The following PLD5 variants were observed in gnomAD, a reference collection of about 807,000 sequenced individuals.
The protein encoded by PLD5 is phospholipase D family member 5, also known as inactive phospholipase D5.
PLD5 carries 36 observed loss-of-function variants against 61.1 expected under a neutral mutation model. That is an observed-to-expected ratio of 0.59 (90% CI 0.45 to 0.78). The LOEUF (loss-of-function observed/expected upper bound fraction) is 0.78, where lower values mean the gene tolerates loss of function less well. Among genes scored for constraint, PLD5 ranks in the 30% least tolerant of loss-of-function variants. PLD5 has a pLI of 0.00. For missense variants in PLD5, 515 were observed against 644.4 expected (o/e 0.80, Z 2.17); for synonymous variants, 243 against 242.8 (o/e 1.00, Z -0.01).
intron 4 of PLD5, among the ~76,000 whole-genome samples, chr1:242,262,531 T>G (rs1231378469): frequency 6.6e-6 from 1 of 152,134 alleles, no homozygotes; most frequent in Non-Finnish European, 1.5e-5. Context: ...GAAGATCTCT[T>G]TGGTAGCTGT....
Position 242,461,164 on chromosome 1 carries a change from C to T in PLD5, c.189+62924G>A, listed in dbSNP as rs186007814. On this transcript the variant is annotated intron_variant, in intron 1 of 9. Transcript: ENST00000536534. The stretch of plus-strand genomic sequence containing the variant: ...AAAAAAGAGCAGGGACTTTATCTGT[C>T]CTGTTCAATATCAGCACATAGCCAG... 1.1e-4 allele frequency among the ~76,000 whole-genome samples: 17 copies of T among 152,234 alleles called. No homozygotes were observed. In the East Asian group the frequency reaches 3.1e-3, roughly 28 times the overall value.
Position 242,250,664 on chromosome 1 carries a change from C to T in PLD5, c.607+14673G>A, listed in dbSNP as rs562750310. ...AGTTATGTACTACTTTATCCTAATA[C>T]ATAATAAAATAATACATTCAAATAA... On this transcript the variant is annotated intron_variant, in intron 4 of 9. Coordinates refer to ENST00000536534, the MANE Select transcript of PLD5 (RefSeq NM_001372062.1). Among the ~76,000 whole-genome samples, 6 of 152,166 alleles carry T rather than the reference C, an allele frequency of 3.9e-5. No individual in the cohort carries two copies. The South Asian group carries it at 1.2e-3, about 32-fold the overall frequency.
chr1:242,245,677 T>C (rs1005214717), intron 4 of PLD5, among the ~76,000 whole-genome samples: 3 of 152,188 alleles, frequency 2.0e-5, no homozygotes, highest in African/African-American at 7.2e-5. Flanking sequence ...CATTTTCAGC[T>C]GAGAAGCCCT....
At chr1:242,100,548 C>T (rs1331444336) in intron 9 of PLD5, 120 bp downstream of exon 9, 19 of 690,328 alleles carry the variant, frequency 2.8e-5, no homozygotes, top group Non-Finnish European at 4.6e-5. Context: ...CATTTCCCCT[C>T]ATTCACCAGC....
intron 8 of PLD5, among the ~76,000 whole-genome samples, chr1:242,102,153 C>A (rs904099635): frequency 1.3e-5 from 2 of 152,214 alleles, no homozygotes; most frequent in East Asian, 3.9e-4. Flanking sequence ...CCAGAAGTCA[C>A]CTCGCTTGGA....
chr1:242,293,389 T>C (rs1232813239), intron 2 of PLD5, among the ~76,000 whole-genome samples: 2 of 152,236 alleles, frequency 1.3e-5, no homozygotes, highest in African/African-American at 4.8e-5. Flanking sequence ...CTGAAAATAT[T>C]ACATTCAATA....
intron 1 of PLD5, among the ~76,000 whole-genome samples, chr1:242,505,085 A>T (rs1378095261): frequency 6.6e-6 from 1 of 152,210 alleles, no homozygotes; most frequent in African/African-American, 2.4e-5. Context: ...TGAGCCCAGG[A>T]CGTGGAGGCT....
chr1:242,407,529 C>A (rs1176537255), intron 1 of PLD5, among the ~76,000 whole-genome samples: 1 of 150,320 alleles, frequency 6.7e-6, no homozygotes, highest in Non-Finnish European at 1.5e-5. Context: ...CACATATACA[C>A]AAATACATAG....
At chr1:242,450,561 G>C (rs1380567102) in intron 1 of PLD5, among the ~76,000 whole-genome samples, 1 of 152,038 alleles carries the variant, frequency 6.6e-6, no homozygotes, top group Non-Finnish European at 1.5e-5. Flanking sequence ...ACATCTTCTT[G>C]TATGGTTAGG....
chr1:242,423,640 T>TA (rs911378402), intron 1 of PLD5, among the ~76,000 whole-genome samples: 2 of 152,150 alleles, frequency 1.3e-5, no homozygotes, highest in Non-Finnish European at 1.5e-5. Context: ...CGTCTTTATT[T>TA]AAAAAAATGA....
chr1:242,480,092 A>C (rs1327337670), intron 1 of PLD5, among the ~76,000 whole-genome samples: 1 of 152,052 alleles, frequency 6.6e-6, no homozygotes, highest in Non-Finnish European at 1.5e-5. Flanking sequence ...GAAAGCTTAC[A>C]TAATTTGACT....
chr1:242,461,746 G>T (rs112710339), intron 1 of PLD5, among the ~76,000 whole-genome samples: 6,267 of 152,200 alleles, frequency 0.041, 198 homozygotes, highest in Middle Eastern at 0.061. Flanking sequence ...AGCCTTGCCA[G>T]CATCTGTTGT....
intron 4 of PLD5, among the ~76,000 whole-genome samples, chr1:242,254,375 G>A (rs915754194): frequency 2.0e-5 from 3 of 150,418 alleles, no homozygotes; most frequent in Non-Finnish European, 4.4e-5. Flanking sequence ...AGAAAGAAAG[G>A]AAAAAAAGGA....
At chr1:242,306,064 C>T (rs1676330746) in intron 2 of PLD5, among the ~76,000 whole-genome samples, 1 of 151,868 alleles carries the variant, frequency 6.6e-6, no homozygotes, top group Non-Finnish European at 1.5e-5. Context: ...GGACTCTAGG[C>T]CCTGGGGCTC....
At chr1:242,486,551 T>G (rs1667968022) in intron 1 of PLD5, among the ~76,000 whole-genome samples, 1 of 152,056 alleles carries the variant, frequency 6.6e-6, no homozygotes, top group Admixed American at 6.5e-5. Flanking sequence ...AAATAAAAAC[T>G]CAGGAAACAA....
chr1:242,113,661 A>G (rs1371496440), intron 7 of PLD5, among the ~76,000 whole-genome samples: 2 of 152,220 alleles, frequency 1.3e-5, no homozygotes, highest in Admixed American at 6.5e-5. Context: ...AATGTAAACT[A>G]CTGAGGTACT....
At chr1:242,267,248 G>T (rs1673744255) in intron 3 of PLD5, among the ~76,000 whole-genome samples, 1 of 152,042 alleles carries the variant, frequency 6.6e-6, no homozygotes, top group Non-Finnish European at 1.5e-5. Context: ...GAAGCTTTAG[G>T]GTGTTAGGAG....
chr1:242,229,665 A>AT (rs1465327304), intron 4 of PLD5, among the ~76,000 whole-genome samples: 1 of 151,804 alleles, frequency 6.6e-6, no homozygotes, highest in African/African-American at 2.4e-5. Flanking sequence ...TTTTATTTTT[A>AT]TTTTCATTTG....
Position 242,157,162 on chromosome 1 carries a change from T to C in PLD5, c.736-32497A>G, listed in dbSNP as rs75693682. Among the ~76,000 whole-genome samples the C allele has an allele frequency of 8.9e-3, 1,353 of 152,268 alleles. 21 individuals carry two copies. The highest frequency in any genetic ancestry group is 0.03 in the African/African-American group (1,265 of 41,516). The stretch of plus-strand genomic sequence containing the variant: ...GATCAATTCGGCTATTGATACTGTG[T>C]ATGCTTCACAAAGTTCTCGTGCTAT... On this transcript the variant is annotated intron_variant, in intron 5 of 9. Transcript: ENST00000536534.
Sources: gnomAD v4.1 joint callset for allele counts (sites outside exome capture counted in the v4.1 genomes callset) on GRCh38, gnomAD v4.1.1 for gene constraint, MANE v1.5 for transcripts, NCBI Gene and HGNC (gene_info 2026-07-23, HGNC 2026-07-21) for gene names.